The following CYLD variants were observed in gnomAD, a reference collection of about 807,000 sequenced individuals.
CYLD encodes ubiquitin carboxyl-terminal hydrolase CYLD.
In CYLD, 26 loss-of-function variants were observed where a neutral mutation model predicts 104.5. That is an observed-to-expected ratio of 0.25 (90% confidence interval 0.18 to 0.35). CYLD has a LOEUF of 0.35. Among genes scored for constraint, CYLD ranks in the 10% least tolerant of loss-of-function variants. The pLI, the probability that CYLD is intolerant of heterozygous loss-of-function variation, is 1.00. For synonymous variants in CYLD, 385 were observed against 399.9 expected, an observed-to-expected ratio of 0.96 and a Z score of 0.45; for missense variants, 703 against 1,136.1, an observed-to-expected ratio of 0.62 and a Z score of 5.48.
At chr16:50,763,051 C>T (rs72796381) in intron 5 of CYLD, among the ~76,000 whole-genome samples, 2,314 of 152,282 alleles carry the variant, frequency 0.015, 32 homozygotes, top group Non-Finnish European at 0.023. Context: ...TAGTCCTAAG[C>T]AACTACCAGT....
chr16:50,788,206 G>T (rs1236416906), intron 14 of CYLD, among the ~76,000 whole-genome samples: 2 of 152,036 alleles, frequency 1.3e-5, no homozygotes, highest in African/African-American at 2.4e-5. Flanking sequence ...ACTTCAAGAA[G>T]ACTGTTTTCT....
At chr16:50,759,062 A>AC (rs924993458) in intron 5 of CYLD, among the ~76,000 whole-genome samples, 34 of 151,672 alleles carry the variant, frequency 2.2e-4, no homozygotes, top group African/African-American at 5.1e-4. Flanking sequence ...AACATGGCGA[A>AC]CCCCCCCGTC....
intron 5 of CYLD, among the ~76,000 whole-genome samples, chr16:50,767,727 G>C (rs573797108): frequency 6.6e-6 from 1 of 152,088 alleles, no homozygotes; most frequent in Non-Finnish European, 1.5e-5. Context: ...GTTTTTCTCA[G>C]TTGGCTGTAG....
At chr16:50,775,139 G>GGTGAT in intron 5 of CYLD, 27 bp from the exon 6 acceptor site, 2 of 1,591,420 alleles carry the variant, frequency 1.3e-6, no homozygotes, top group Non-Finnish European at 1.7e-6. Flanking sequence ...ATCCACTGTG[G>GGTGAT]GTGATATCGT....
chr16:50,745,274 T>C (rs1049233791), intron 2 of CYLD, among the ~76,000 whole-genome samples: 12 of 152,102 alleles, frequency 7.9e-5, no homozygotes, highest in African/African-American at 2.9e-4. Flanking sequence ...TGTCTTACTG[T>C]TCCCTAGGCC....
At chr16:50,746,063 G>C (rs1966168139) in intron 2 of CYLD, among the ~76,000 whole-genome samples, 2 of 151,980 alleles carry the variant, frequency 1.3e-5, no homozygotes, top group Admixed American at 6.6e-5. Flanking sequence ...TGTGTGACAG[G>C]GTCTTGCTTT....
At position 50,762,855 on chromosome 16, in the gene CYLD, A is replaced by C. The variant is rs181274648; in HGVS notation, c.913+8431A>C. The stretch of plus-strand genomic sequence containing the variant: ...TCATGCTGATGTAGAAATACAATTG[A>C]CTTTTTTTTTAGAAAACAGCTTTAC... On this transcript the variant is annotated intron_variant, in intron 5 of 18. Transcript: ENST00000427738. Among the ~76,000 whole-genome samples the C allele has an allele frequency of 1.3e-3, 192 of 152,274 alleles. 1 individual carries two copies. Among genetic ancestry groups the C allele is most frequent in the Non-Finnish European group, 2.4e-3 (162 of 68,014 alleles).
chr16:50,757,228 T>C (rs1049850166), intron 5 of CYLD, among the ~76,000 whole-genome samples: 2 of 152,174 alleles, frequency 1.3e-5, no homozygotes, highest in Admixed American at 6.5e-5. Flanking sequence ...TTCCTGTTGC[T>C]GAAGCAAGTA....
intron 2 of CYLD, among the ~76,000 whole-genome samples, chr16:50,749,238 G>C (rs1216882252): frequency 1.3e-5 from 2 of 152,108 alleles, no homozygotes; most frequent in Admixed American, 1.3e-4. Flanking sequence ...AAAAAAGTTA[G>C]AATATGTATA....
At chr16:50,793,498 AT>A in intron 16 of CYLD, 47 bp from the exon 17 acceptor site, 66 of 1,259,408 alleles carry the variant, frequency 5.2e-5, no homozygotes, top group Non-Finnish European at 6.3e-5. Flanking sequence ...GAAAGAATGC[AT>A]TTTTTTTAAA....
chr16:50,780,072 A>AT (rs763173784), intron 9 of CYLD, 28 bp downstream of exon 9: 2 of 1,612,860 alleles, frequency 1.2e-6, no homozygotes, highest in South Asian at 1.1e-5. Context: ...AAAAATTTCA[A>AT]TTTTTTTCTC....
intron 8 of CYLD, among the ~76,000 whole-genome samples, chr16:50,779,404 A>G (rs1038473410): frequency 6.6e-6 from 1 of 152,186 alleles, no homozygotes; most frequent in Non-Finnish European, 1.5e-5. Flanking sequence ...GACAAAGACT[A>G]TCACGTATAC....
At chr16:50,747,033 C>G (rs1423522538) in intron 2 of CYLD, among the ~76,000 whole-genome samples, 1 of 151,996 alleles carries the variant, frequency 6.6e-6, no homozygotes, top group Non-Finnish European at 1.5e-5. Flanking sequence ...AATTACTTTA[C>G]CTTTTTCAAA....
In CYLD at chr16:50,794,822, T is replaced by C; in HGVS notation, c.2686+394T>C. The stretch of plus-strand genomic sequence containing the variant: ...TTTTAGTAGAGATGGGCTTCTGCCA[T>C]GTTGCCCAAGCTGGTCTCAAATTCC... On this transcript the variant is annotated intron_variant, in intron 18 of 18. Transcript: ENST00000427738. The surrounding 1 kb of genome is among the most constrained non-coding windows in gnomAD (Gnocchi z 4.1). 3.2e-6 allele frequency: 1 copy of C among 307,806 alleles called. No homozygotes were observed. The highest frequency in any genetic ancestry group is 2.9e-5 in the South Asian group (1 of 34,366). 19.1% of individuals were successfully genotyped at this position (307,806 alleles called of 1,614,324 possible).
intron 9 of CYLD, among the ~76,000 whole-genome samples, chr16:50,780,296 T>C (rs1970097875): frequency 6.6e-6 from 1 of 152,230 alleles, no homozygotes; most frequent in African/African-American, 2.4e-5. Flanking sequence ...AGGCTCCTTA[T>C]ATTAAACAGA....
chr16:50,751,230 T>C (rs1966590587), intron 3 of CYLD, among the ~76,000 whole-genome samples: 2 of 152,222 alleles, frequency 1.3e-5, no homozygotes, highest in Admixed American at 1.3e-4. Context: ...TTGTGGTACA[T>C]TGATGCAGGA....
intron 11 of CYLD, among the ~76,000 whole-genome samples, chr16:50,782,744 T>C (rs912857873): frequency 1.3e-5 from 2 of 152,142 alleles, no homozygotes; most frequent in Non-Finnish European, 1.5e-5. Context: ...TGGGAAATCT[T>C]TGTGCATGTC....
chr16:50,760,828 A>G (rs1186308782), intron 5 of CYLD, among the ~76,000 whole-genome samples: 2 of 152,144 alleles, frequency 1.3e-5, no homozygotes, highest in Non-Finnish European at 2.9e-5. Flanking sequence ...GAGTTGCTTG[A>G]TGAAAGGGCG....
At position 50,793,585 on chromosome 16, in the gene CYLD, A is replaced by G. The variant is rs199624138; in HGVS notation, c.2390A>G (p.Tyr797Cys). 165 of 1,613,924 alleles carry G rather than the reference A, an allele frequency of 1.0e-4. No individual in the cohort carries two copies. The highest frequency in any genetic ancestry group is 8.9e-5 in the East Asian group (4 of 44,878). The change falls in exon 17 of 19, where the codon TAT becomes TGT. Residue 797 changes from tyrosine to cysteine, a missense_variant. Physicochemically the swap from Tyr to Cys is radical, Grantham distance 194 (BLOSUM62 -2). Around this residue, in one of 5 missense-constraint regions of CYLD, gnomAD observed 130 missense variants for 220.2 expected, o/e 0.59. Coordinates refer to ENST00000427738, the MANE Select transcript of CYLD (RefSeq NM_001378743.1). ...CGGATATGTGGAGGGCTTGCAATGT[A>G]TGAGTGTAGAGAATGCTACGACGAT... ...QCRICGGLAM[Y>C]ECRECYDDPD...
Sources: allele counts gnomAD v4.1 joint callset (sites outside exome capture counted in the v4.1 genomes callset), GRCh38; gene constraint gnomAD v4.1.1; regional missense constraint gnomAD v4.1.1; non-coding constraint Gnocchi (gnomAD v3.1); transcripts MANE v1.5; gene names NCBI Gene and HGNC (gene_info 2026-07-23, HGNC 2026-07-21).